Variants in CABP2 observed in about 807,000 individuals in gnomAD.
CABP2 encodes calcium binding protein 2, also known as calcium-binding protein 2.
CABP2 carries 25 observed loss-of-function variants against 28.6 expected under a neutral mutation model. That is an observed-to-expected ratio of 0.87 (90% CI 0.64 to 1.22). The LOEUF is 1.22. Ranked by LOEUF, CABP2 falls within the 50% of genes most tolerant of loss-of-function variation. The pLI is 0.00. For synonymous variants in CABP2, 138 were observed against 126.0 expected (o/e 1.09, Z -0.64); for missense variants, 310 against 312.2 (o/e 0.99, Z 0.05).
chr11:67,522,159 C>T (rs916132735), intron 2 of CABP2, among the ~76,000 whole-genome samples, 177 bp from the exon 3 acceptor site: 1 of 152,104 alleles, frequency 6.6e-6, no homozygotes, highest in African/African-American at 2.4e-5. Context: ...CCTGGGTAAC[C>T]GGGTGCCCCC....
chr11:67,522,024 A>G (rs1334415647), intron 2 of CABP2, 42 bp from the exon 3 acceptor site: 6 of 1,590,830 alleles, frequency 3.8e-6, no homozygotes, highest in Non-Finnish European at 5.2e-6. Context: ...GCTCCTACTG[A>G]TGACTGTGCC....
chr11:67,520,157 C>T lies in CABP2; in HGVS notation c.383G>A (p.Gly128Asp). Residue 128 changes from glycine (G) to aspartate (D), a missense_variant, in exon 5 of 7, where the codon GGC becomes GAC. Coordinates refer to ENST00000294288, the MANE Select transcript of CABP2 (RefSeq NM_016366.3). Reference protein sequence around the residue: ...ELIEISQQISGGKVDFEDFVE... With the variant: ...ELIEISQQISDGKVDFEDFVE... Reference sequence around the variant, plus strand: ...GAAGTCTTCAAAGTCCACCTTTCCGCCACCTGGGGGTCCCGTCCATTACAG... The same window carrying T: ...GAAGTCTTCAAAGTCCACCTTTCCGTCACCTGGGGGTCCCGTCCATTACAG... The T allele has an allele frequency of 6.2e-7, 1 of 1,611,142 alleles. No individual in the cohort carries two copies. The highest frequency in any genetic ancestry group is 1.1e-5 in the South Asian group (1 of 91,022).
intron 2 of CABP2, 43 bp downstream of exon 2, chr11:67,522,503 G>A: frequency 6.5e-7 from 1 of 1,550,236 alleles, no homozygotes; most frequent in Non-Finnish European, 8.7e-7. Flanking sequence ...TGGTGGGAGA[G>A]GGGCAAGGGC....
chr11:67,521,870 GC>G (rs1222808513), intron 3 of CABP2, 81 bp downstream of exon 3: 66 of 470,166 alleles, frequency 1.4e-4, no homozygotes, highest in African/African-American at 1.4e-3. Context: ...CCCACCCGAT[GC>G]CCCCCCAACC....
chr11:67,519,238 G>A (rs577877421), intron 6 of CABP2, 74 bp from the exon 7 acceptor site: 280 of 1,519,978 alleles, frequency 1.8e-4, no homozygotes, highest in Non-Finnish European at 2.5e-4. Context: ...TGCAGGCCTT[G>A]GGGCGGGTGG....
At chr11:67,519,999 T>C in intron 5 of CABP2, 52 bp downstream of exon 5, 1 of 1,599,402 alleles carries the variant, frequency 6.3e-7, no homozygotes, top group Non-Finnish European at 8.5e-7. Context: ...GCGCAGCCCC[T>C]CACTCACGGC....
Position 67,518,999 on chromosome 11 carries a change from G to T in CABP2, c.*140C>A. ...TGGAGAAGTGGTGGTGGGGGTGAAG[G>T]CAGGCAAGGGCACTGCACACAGGTG... On this transcript the variant is annotated 3_prime_UTR_variant, in exon 7 of 7. Coordinates refer to ENST00000294288, the MANE Select transcript of CABP2 (RefSeq NM_016366.3). The T allele has an allele frequency of 1.3e-6, 1 of 799,036 alleles. No individual in the cohort carries two copies. Among genetic ancestry groups the T allele is most frequent in the Non-Finnish European group, 2.1e-6 (1 of 476,694 alleles). 49.5% of individuals were successfully genotyped at this position (799,036 alleles called of 1,614,324 possible).
At chr11:67,522,403 C>T (rs1279373662) in intron 2 of CABP2, 143 bp downstream of exon 2, 2 of 821,406 alleles carry the variant, frequency 2.4e-6, no homozygotes. Context: ...CTGATGTCCC[C>T]ACTCAATCCT....
Position 67,520,034 on chromosome 11 carries a change from A to G in CABP2, c.489+17T>C. 6.2e-7 allele frequency: 1 copy of G among 1,609,106 alleles called. No homozygotes were observed. The highest frequency in any genetic ancestry group is 8.5e-7 in the Non-Finnish European group (1 of 1,178,624). On this transcript the variant is annotated intron_variant, in intron 5 of 6. Coordinates refer to ENST00000294288, the MANE Select transcript of CABP2 (RefSeq NM_016366.3). ...CAGACACGCAGCCCTGCCCGCCCTC[A>G]GCCCCAGTGGCCGCACCTCCCGGAA...
chr11:67,522,502 A>C, intron 2 of CABP2, 44 bp downstream of exon 2: 2 of 1,548,978 alleles, frequency 1.3e-6, no homozygotes, highest in Non-Finnish European at 1.7e-6. Context: ...CTGGTGGGAG[A>C]GGGGCAAGGG....
In CABP2 at chr11:67,522,090, G is replaced by T. The variant is rs577400882; in HGVS notation, c.214-108C>A. The T allele has an allele frequency of 2.4e-5, 23 of 961,188 alleles. No individual in the cohort carries two copies. The East Asian group carries it at 4.9e-4, about 21-fold the overall frequency. The allele number at this position is 961,188 out of a possible 1,614,324, so 59.5% of individuals were successfully genotyped here. ...CAGCCCCACAATCCAACACGCACAC[G>T]CAGGGCCTGTGTCTGTCTGATTGCT... On this transcript the variant is annotated intron_variant, in intron 2 of 6. Coordinates refer to ENST00000294288, the MANE Select transcript of CABP2 (RefSeq NM_016366.3).
chr11:67,521,866 C>CCCTT, intron 3 of CABP2, 86 bp downstream of exon 3: 8 of 656,258 alleles, frequency 1.2e-5, no homozygotes, highest in East Asian at 3.0e-5. Context: ...GGCCCCCACC[C>CCCTT]GATGCCCCCC....
chr11:67,523,232 C>A, intron 1 of CABP2, 53 bp downstream of exon 1: 1 of 1,420,810 alleles, frequency 7.0e-7, no homozygotes, highest in African/African-American at 1.4e-5. Flanking sequence ...CCATCTGACC[C>A]TCAGGGTCCA....
rs969139121 is a variant in CABP2 at position 67,519,900 on chromosome 11, A to AG, written c.529dup (p.Leu177ProfsTer?). 1 of 1,612,210 alleles carries AG rather than the reference A, an allele frequency of 6.2e-7. No individual in the cohort carries two copies. Among genetic ancestry groups the AG allele is most frequent in the African/African-American group, 1.3e-5 (1 of 75,012 alleles). On this transcript the variant is annotated frameshift_variant, in exon 6 of 7. Coordinates refer to ENST00000294288, the MANE Select transcript of CABP2 (RefSeq NM_016366.3). LOFTEE classifies it high-confidence loss of function. ...CAGCAGGGCCTTGAGGGCCGCCCGGAGCTCGCCCACGCTGATGCGGCCGTC... is the reference window on the plus strand; with the variant it reads ...CAGCAGGGCCTTGAGGGCCGCCCGGAGGCTCGCCCACGCTGATGCGGCCGTC...
chr11:67,522,581 T>G lies in CABP2; in HGVS notation c.178A>C (p.Ile60Leu). ...VLNSLVGPACIFLRPSIAATQ... is the reference protein window; with the variant it reads ...VLNSLVGPACLFLRPSIAATQ... ...GCGGCAATGCTGGGCCGCAGGAAGA[T>G]GCAGGCAGGCCCCACCAGGCTGTTG... Residue 60 changes from isoleucine to leucine, a missense_variant, in exon 2 of 7, where the codon ATC (isoleucine) becomes CTC (leucine). Coordinates refer to ENST00000294288, the MANE Select transcript of CABP2 (RefSeq NM_016366.3). The G allele has an allele frequency of 6.4e-7, 1 of 1,554,750 alleles. No homozygotes were observed. Among genetic ancestry groups the G allele is most frequent in the Non-Finnish European group, 8.7e-7 (1 of 1,148,970 alleles).
chr11:67,520,998 G>A, intron 4 of CABP2, 27 bp downstream of exon 4: 1 of 1,605,610 alleles, frequency 6.2e-7, no homozygotes, highest in African/African-American at 1.3e-5. Context: ...GGAGGACTGG[G>A]GATGGGGATG....
intron 6 of CABP2, 46 bp from the exon 7 acceptor site, chr11:67,519,210 C>T: frequency 6.2e-7 from 1 of 1,609,576 alleles, no homozygotes; most frequent in African/African-American, 1.3e-5. Context: ...CTGGACTGCG[C>T]TAGGAGTGAG....
At chr11:67,520,185 C>A (rs771762987) in intron 4 of CABP2, 25 bp from the exon 5 acceptor site, 1 of 1,533,020 alleles carries the variant, frequency 6.5e-7, no homozygotes, top group Non-Finnish European at 9.0e-7. Context: ...CATTACAGAC[C>A]CAGGGCATCA....
At chr11:67,522,299 C>CA (rs1222245450) in intron 2 of CABP2, among the ~76,000 whole-genome samples, 1 of 152,148 alleles carries the variant, frequency 6.6e-6, no homozygotes, top group Non-Finnish European at 1.5e-5. Context: ...TTGGTCCCGC[C>CA]AGCCTCAATG....
Sources: gnomAD v4.1 joint callset for allele counts (sites outside exome capture counted in the v4.1 genomes callset) on GRCh38, gnomAD v4.1.1 for gene constraint, MANE v1.5 for transcripts, NCBI Gene and HGNC (gene_info 2026-07-23, HGNC 2026-07-21) for gene names.